MTFR2: variants seen among roughly 807,000 people sequenced by gnomAD.
MTFR2 encodes the protein mitochondrial fission regulator 2.
In MTFR2, 44 loss-of-function variants were observed where a neutral mutation model predicts 41.2. That is an observed-to-expected ratio of 1.07 (90% CI 0.84 to 1.37). The LOEUF (loss-of-function observed/expected upper bound fraction) is 1.37. Among genes scored for constraint, MTFR2 ranks in the 40% most tolerant of loss-of-function variants. MTFR2 has a pLI of 0.00. For synonymous variants in MTFR2, 141 were observed against 154.6 expected, an observed-to-expected ratio of 0.91 and a Z score of 0.65; for missense variants, 452 against 459.5, an observed-to-expected ratio of 0.98 and a Z score of 0.15.
chr6:136,241,694 T>A lies in MTFR2; in HGVS notation c.282-18A>T. 6.4e-7 allele frequency: 1 copy of A among 1,566,470 alleles called. No homozygotes were observed. Among genetic ancestry groups the A allele is most frequent in the Non-Finnish European group, 8.7e-7 (1 of 1,146,156 alleles). ...TACTATTTCTGTGGGTGAAAAAAAA[T>A]AGGAAATGGAGGGAAGATATATTTC... On this transcript the variant is annotated intron_variant, in intron 4 of 7. Transcript: ENST00000420702.
At chr6:136,236,680 T>C (rs1779914659) in intron 6 of MTFR2, among the ~76,000 whole-genome samples, 1 of 152,106 alleles carries the variant, frequency 6.6e-6, no homozygotes, top group Non-Finnish European at 1.5e-5. Context: ...TTCTCTTTCC[T>C]CTTCACAAGG....
intron 7 of MTFR2, among the ~76,000 whole-genome samples, 163 bp from the exon 8 acceptor site, chr6:136,231,551 C>T (rs895203515): frequency 4.6e-5 from 7 of 151,292 alleles, no homozygotes; most frequent in African/African-American, 7.3e-5. Context: ...TCAGGTACTA[C>T]GCTCAGAGCC....
rs755088822 is a variant in MTFR2, at chr6:136,241,394, C to T, written c.514+50G>A. The T allele has an allele frequency of 8.8e-6, 13 of 1,482,930 alleles. No individual in the cohort carries two copies. The Admixed American group carries it at 2.3e-4, about 26-fold the overall frequency. 91.9% of individuals were successfully genotyped at this position (1,482,930 alleles called of 1,614,324 possible). On this transcript the variant is annotated intron_variant, in intron 5 of 7. Coordinates refer to ENST00000420702, the MANE Select transcript of MTFR2 (RefSeq NM_001099286.3). ...ATCATGCTGTACAGGTTGGTATAGG[C>T]TATACCATGAGTATCATCTAACTGA...
At chr6:136,236,383 G>C (rs773252482) in intron 6 of MTFR2, among the ~76,000 whole-genome samples, 1 of 152,170 alleles carries the variant, frequency 6.6e-6, no homozygotes, top group Non-Finnish European at 1.5e-5. Flanking sequence ...GAATCTGCAC[G>C]GGGAATCTGT....
intron 5 of MTFR2, among the ~76,000 whole-genome samples, chr6:136,241,069 C>T (rs1056003849): frequency 5.0e-4 from 72 of 144,262 alleles, no homozygotes; most frequent in Admixed American, 2.8e-3. Context: ...CCAGCCTGGG[C>T]GACAGAGCAA....
chr6:136,249,419 T>G (rs1009928874), intron 1 of MTFR2, among the ~76,000 whole-genome samples: 4 of 152,202 alleles, frequency 2.6e-5, no homozygotes, highest in African/African-American at 9.7e-5. Flanking sequence ...AAACTGGACA[T>G]CTACTTAGTA....
At position 136,240,821 on chromosome 6, in the gene MTFR2, GT is replaced by G. The variant is rs778282536; in HGVS notation, c.514+622del. ...AAAAGCTTACTGAGGGCCGGGCGCG[GT>G]GGCTCACGCCTGTAATCCCAGCACT... On this transcript the variant is annotated intron_variant, in intron 5 of 7. Coordinates refer to ENST00000420702, the MANE Select transcript of MTFR2 (RefSeq NM_001099286.3). 6.1e-4 allele frequency among the ~76,000 whole-genome samples: 93 copies of G among 152,308 alleles called. 1 individual carries two copies. The highest frequency in any genetic ancestry group is 3.3e-3 in the South Asian group (16 of 4,828).
At chr6:136,247,643 T>G in intron 2 of MTFR2, 1 of 431,116 alleles carries the variant, frequency 2.3e-6, no homozygotes, top group South Asian at 1.7e-5. Flanking sequence ...AGCAAACTTT[T>G]CAAAAGAAGG....
chr6:136,243,054 T>C, intron 3 of MTFR2, 81 bp from the exon 4 acceptor site: 1 of 827,952 alleles, frequency 1.2e-6, no homozygotes, highest in Non-Finnish European at 1.8e-6. Context: ...TTAAATTAGT[T>C]AACAATCCAA....
At position 136,250,212 on chromosome 6, in the gene MTFR2, G is replaced by C. The variant is rs927360517; in HGVS notation, c.-291C>G. ...AGCCCTGGAGCCTCACGCTCAGCCA[G>C]GGTAATGTTATGGGAAGCGCGCCCC... On this transcript the variant is annotated 5_prime_UTR_variant, in exon 1 of 8. Transcript: ENST00000420702. 1.3e-5 allele frequency: 2 copies of C among 152,886 alleles called. No homozygotes were observed. Among genetic ancestry groups the C allele is most frequent in the African/African-American group, 2.4e-5 (1 of 41,464 alleles). 9.5% of individuals were successfully genotyped at this position (152,886 alleles called of 1,614,324 possible). A position where few individuals can be genotyped will look rare whatever the true frequency, so the allele number is the denominator to read the frequency against.
Position 136,239,806 on chromosome 6 carries a change from T to A in MTFR2, c.529A>T (p.Ser177Cys). ...NSTNSSSFGL[S>C]DERISLGQLS... is the part of the protein sequence containing the mutation. The stretch of plus-strand genomic sequence containing the variant: ...TGACCCAAACTAATGCGCTCGTCAC[T>A]CAAGCCAAAGGAACCTACAAACAAA... Residue 177 changes from serine (S) to cysteine (C), a missense_variant, in exon 6 of 8, where the codon AGT becomes TGT. Coordinates refer to ENST00000420702, the MANE Select transcript of MTFR2 (RefSeq NM_001099286.3). 6.2e-7 allele frequency: 1 copy of A among 1,606,588 alleles called. No homozygotes were observed. Among genetic ancestry groups the A allele is most frequent in the Non-Finnish European group, 8.5e-7 (1 of 1,175,400 alleles).
intron 7 of MTFR2, among the ~76,000 whole-genome samples, chr6:136,231,669 TAAAAAAA>T (rs71006791): frequency 9.6e-5 from 8 of 82,932 alleles, no homozygotes; most frequent in Non-Finnish European, 1.9e-4. Context: ...AAAAACTATG[TAAAAAAA>T]AAAAAAAAAA....
At chr6:136,245,980 G>A (rs1413685136) in intron 2 of MTFR2, among the ~76,000 whole-genome samples, 1 of 152,116 alleles carries the variant, frequency 6.6e-6, no homozygotes. Context: ...ACAGCCTAGA[G>A]GATATAGATC....
chr6:136,234,889 T>C (rs748549894), intron 6 of MTFR2, among the ~76,000 whole-genome samples: 1 of 152,112 alleles, frequency 6.6e-6, no homozygotes. Flanking sequence ...TGAAGGATGA[T>C]TCCTAGATAT....
In MTFR2 at chr6:136,239,757, T is replaced by G. The variant is rs1442085918; in HGVS notation, c.578A>C (p.His193Pro). The change falls in exon 6 of 8, where the codon CAT becomes CCT. Residue 193 changes from histidine (H) to proline (P), a missense_variant. His to Pro is a moderately conservative substitution (Grantham distance 77, BLOSUM62 -2). Transcript: ENST00000420702. ...LGQLSSSRAA[H>P]LSVDPDQLPG... The stretch of plus-strand genomic sequence containing the variant: ...AAGCTGATCTGGGTCCACACTCAGA[T>G]GGGCAGCCCGCGATGATGACAGCTG... The G allele has an allele frequency of 6.2e-7, 1 of 1,614,106 alleles. No individual in the cohort carries two copies. Among genetic ancestry groups the G allele is most frequent in the African/African-American group, 1.3e-5 (1 of 75,036 alleles).
chr6:136,232,380 G>C (rs1013790767), intron 7 of MTFR2, among the ~76,000 whole-genome samples: 1 of 152,008 alleles, frequency 6.6e-6, no homozygotes, highest in Non-Finnish European at 1.5e-5. Flanking sequence ...TCAGCCTCCT[G>C]AGTAGCTGGA....
rs1779755709 is a variant in MTFR2 at position 136,231,533 on chromosome 6, G to C, written c.1045-145C>G. The stretch of plus-strand genomic sequence containing the variant: ...TATTACTATAATACATAGTTATTTG[G>C]CTATGTATCAGGTACTACGCTCAGA... On this transcript the variant is annotated intron_variant, in intron 7 of 7. Coordinates refer to ENST00000420702, the MANE Select transcript of MTFR2 (RefSeq NM_001099286.3). 6.7e-6 allele frequency: 4 copies of C among 601,412 alleles called. No individual in the cohort carries two copies. In the South Asian group the frequency reaches 8.3e-5, roughly 12 times the overall value. 37.3% of individuals were successfully genotyped at this position (601,412 alleles called of 1,614,324 possible). A position where few individuals can be genotyped will look rare whatever the true frequency, so the allele number is the denominator to read the frequency against.
intron 6 of MTFR2, among the ~76,000 whole-genome samples, chr6:136,236,477 T>C (rs77346921): frequency 0.037 from 5,612 of 152,178 alleles, 368 homozygotes; most frequent in African/African-American, 0.12. Context: ...CAGGAGAGAA[T>C]AGGGGGACAG....
intron 2 of MTFR2, chr6:136,247,416 C>G (rs1056242475): frequency 1.1e-4 from 50 of 435,626 alleles, no homozygotes; most frequent in Non-Finnish European, 4.5e-5. Context: ...AGGACAGTCT[C>G]TCTCCTTTCC....
Sources: gnomAD v4.1 joint callset for allele counts (sites outside exome capture counted in the v4.1 genomes callset) on GRCh38, gnomAD v4.1.1 for gene constraint, MANE v1.5 for transcripts, NCBI Gene and HGNC (gene_info 2026-07-23, HGNC 2026-07-21) for gene names.